The following CDS2 variants were observed in gnomAD, a reference collection of about 807,000 sequenced individuals.
CDS2 encodes the protein phosphatidate cytidylyltransferase 2.
Under a neutral mutation model 59.0 loss-of-function variants are expected in CDS2, and 47 were observed. The ratio of observed to expected loss-of-function variants is 0.80; its 90% CI spans 0.63 to 1.02. CDS2 has a LOEUF of 1.02. CDS2 is among the 50% of genes least tolerant of loss of function. The pLI is 0.00. For missense variants in CDS2, 356 were observed against 558.9 expected (o/e 0.64, Z 3.66); for synonymous variants, 207 against 206.4 (o/e 1.00, Z -0.02).
chr20:5,145,232 A>G (rs2122978732), intron 1 of CDS2, among the ~76,000 whole-genome samples: 1 of 119,714 alleles, frequency 8.4e-6, no homozygotes, highest in African/African-American at 3.2e-5. Flanking sequence ...GGTAGAAAGG[A>G]AAGACCCCCC....
At chr20:5,188,897 G>A (rs1028652742) in intron 10 of CDS2, among the ~76,000 whole-genome samples, 170 bp from the exon 11 acceptor site, 1 of 152,146 alleles carries the variant, frequency 6.6e-6, no homozygotes, top group Non-Finnish European at 1.5e-5. Flanking sequence ...CTAGGAGAAA[G>A]GCACCAAGCC....
chr20:5,137,736 C>T (rs983015223), intron 1 of CDS2, among the ~76,000 whole-genome samples: 1 of 151,676 alleles, frequency 6.6e-6, no homozygotes, highest in African/African-American at 2.4e-5. Flanking sequence ...ATCACTTGAG[C>T]CCAGGAGTTT....
At chr20:5,159,028 A>G (rs2090855533) in intron 1 of CDS2, among the ~76,000 whole-genome samples, 2 of 152,196 alleles carry the variant, frequency 1.3e-5, no homozygotes, top group African/African-American at 4.8e-5. Context: ...GAACAGAAGG[A>G]TAAGCGAGCC....
intron 1 of CDS2, among the ~76,000 whole-genome samples, chr20:5,146,139 G>A (rs954722537): frequency 6.6e-6 from 1 of 152,162 alleles, no homozygotes; most frequent in African/African-American, 2.4e-5. Flanking sequence ...GAGAAACTGA[G>A]CTGGCATTAC....
At chr20:5,156,839 G>T (rs2090837148) in intron 1 of CDS2, among the ~76,000 whole-genome samples, 1 of 152,186 alleles carries the variant, frequency 6.6e-6, no homozygotes, top group African/African-American at 2.4e-5. Flanking sequence ...GCCAGCAGGT[G>T]AAAGTCCCAT....
At chr20:5,177,766 C>T (rs1034087318) in intron 4 of CDS2, among the ~76,000 whole-genome samples, 6 of 152,200 alleles carry the variant, frequency 3.9e-5, no homozygotes, top group Non-Finnish European at 7.3e-5. Context: ...TGAGGTGTTT[C>T]CTGTCACCCA....
rs2123050635 is a variant in CDS2, at chr20:5,178,960, T to C, written c.529+4T>C. ...TCCTTTACTCTCTATCTAATAGGTA[T>C]GCATTAAGCAGTTCACCATTTCTTG... is the stretch of plus-strand genomic sequence containing the variant. On this transcript the variant is annotated splice_donor_region_variant and intron_variant, in intron 5 of 12. Transcript: ENST00000460006. 6 of 1,613,444 alleles carry C rather than the reference T, an allele frequency of 3.7e-6. No individual in the cohort carries two copies. The South Asian group carries it at 5.5e-5, about 15-fold the overall frequency.
intron 1 of CDS2, among the ~76,000 whole-genome samples, chr20:5,132,865 G>A (rs1285940334): frequency 6.6e-6 from 1 of 152,098 alleles, no homozygotes; most frequent in Non-Finnish European, 1.5e-5. Flanking sequence ...AGGTTAACAT[G>A]GTATTTCATT....
At chr20:5,164,945 T>C (rs2090902750) in intron 1 of CDS2, among the ~76,000 whole-genome samples, 1 of 152,214 alleles carries the variant, frequency 6.6e-6, no homozygotes, top group African/African-American at 2.4e-5. Context: ...TTTATAGTCA[T>C]ATGCTTGCTG....
At chr20:5,163,721 G>A (rs1029657680) in intron 1 of CDS2, among the ~76,000 whole-genome samples, 1 of 150,906 alleles carries the variant, frequency 6.6e-6, no homozygotes, top group Non-Finnish European at 1.5e-5. Context: ...TTTTCCCCAG[G>A]TATCCTTAGT....
intron 2 of CDS2, among the ~76,000 whole-genome samples, chr20:5,174,115 G>A (rs1655209264): frequency 6.6e-6 from 1 of 152,200 alleles, no homozygotes; most frequent in Admixed American, 6.5e-5. Context: ...AGGAAGAACT[G>A]GGAAACATCT....
At chr20:5,160,084 T>G (rs547602128) in intron 1 of CDS2, among the ~76,000 whole-genome samples, 55 of 152,348 alleles carry the variant, frequency 3.6e-4, no homozygotes, top group African/African-American at 1.3e-3. Flanking sequence ...CTGAGCTGTT[T>G]GTGCCACTGC....
chr20:5,142,864 A>T (rs943131113), intron 1 of CDS2, among the ~76,000 whole-genome samples: 1 of 151,804 alleles, frequency 6.6e-6, no homozygotes, highest in Non-Finnish European at 1.5e-5. Flanking sequence ...TTGTTTTTTT[A>T]TTTTTTTTGA....
chr20:5,140,075 T>G (rs1393393109), intron 1 of CDS2, among the ~76,000 whole-genome samples: 1 of 152,244 alleles, frequency 6.6e-6, no homozygotes, highest in East Asian at 1.9e-4. Flanking sequence ...GTGCTGGGAT[T>G]ACAGGCGTGA....
At chr20:5,169,227 C>A (rs369931056) in intron 1 of CDS2, among the ~76,000 whole-genome samples, 2 of 152,076 alleles carry the variant, frequency 1.3e-5, no homozygotes, top group African/African-American at 2.4e-5. Flanking sequence ...TCCCGGCCCT[C>A]GGGATTGAAA....
chr20:5,138,867 T>C (rs1370785431), intron 1 of CDS2, among the ~76,000 whole-genome samples: 1 of 152,014 alleles, frequency 6.6e-6, no homozygotes, highest in African/African-American at 2.4e-5. Flanking sequence ...CCGTACTACC[T>C]AAAACAATGT....
intron 1 of CDS2, among the ~76,000 whole-genome samples, chr20:5,137,538 T>A (rs1024755341): frequency 6.7e-6 from 1 of 150,368 alleles, no homozygotes; most frequent in Non-Finnish European, 1.5e-5. Flanking sequence ...CCACCACACC[T>A]GACCTTTCTA....
intron 1 of CDS2, among the ~76,000 whole-genome samples, chr20:5,162,943 GGTT>G: frequency 6.6e-6 from 1 of 152,190 alleles, no homozygotes; most frequent in Non-Finnish European, 1.5e-5. Context: ...GCAGCATGGA[GGTT>G]GTTTTATTTA....
intron 1 of CDS2, among the ~76,000 whole-genome samples, chr20:5,169,420 G>A (rs1055404584): frequency 6.6e-6 from 1 of 152,232 alleles, no homozygotes; most frequent in African/African-American, 2.4e-5. Flanking sequence ...AGGAAAGTGG[G>A]TACTATCATA....
Sources: gnomAD v4.1 joint callset for allele counts (sites outside exome capture counted in the v4.1 genomes callset) on GRCh38, gnomAD v4.1.1 for gene constraint, MANE v1.5 for transcripts, NCBI Gene and HGNC (gene_info 2026-07-23, HGNC 2026-07-21) for gene names.